The following AFF3 variants were observed in gnomAD, a reference collection of about 807,000 sequenced individuals.
AFF3 encodes AF4/FMR2 family member 3.
In AFF3, 32 loss-of-function variants were observed where a neutral mutation model predicts 129.7. The ratio of observed to expected loss-of-function variants is 0.25; its 90% CI spans 0.19 to 0.33. The LOEUF is 0.33. Ranked by LOEUF, AFF3 falls within the 10% of genes least tolerant of loss-of-function variation. AFF3 has a pLI of 1.00. For synonymous variants in AFF3, 644 were observed against 635.4 expected (o/e 1.01, Z -0.20); for missense variants, 1,373 against 1,592.0 (o/e 0.86, Z 2.34).
rs888987337 is a variant in AFF3 at position 100,042,375 on chromosome 2, G to GT, written c.54-33444dup. Among the ~76,000 whole-genome samples the GT allele has an allele frequency of 2.5e-4, 38 of 151,958 alleles. 1 individual carries two copies. In the East Asian group the frequency reaches 6.4e-3, roughly 26 times the overall value. On this transcript the variant is annotated intron_variant, in intron 4 of 24. Transcript: ENST00000672756. ...AGTATATTCCAATCTGAAATATATTGTTTTTTTTCTGATTATCCGGACCAC... is the reference window on the plus strand; with the variant it reads ...AGTATATTCCAATCTGAAATATATTGTTTTTTTTTCTGATTATCCGGACCAC...
chr2:99,597,254 C>T (rs1679381608), intron 14 of AFF3, among the ~76,000 whole-genome samples: 1 of 152,194 alleles, frequency 6.6e-6, no homozygotes, highest in African/African-American at 2.4e-5. Context: ...GGACCGCATT[C>T]CTTTGAGAAA....
chr2:100,016,737 T>G (rs1471352625), intron 4 of AFF3, among the ~76,000 whole-genome samples: 3 of 139,308 alleles, frequency 2.2e-5, no homozygotes, highest in Non-Finnish European at 4.7e-5. Context: ...GGTGATAGTA[T>G]TGGTGGTGAA....
chr2:99,806,708 C>G (rs1686380981), intron 8 of AFF3, among the ~76,000 whole-genome samples: 2 of 152,186 alleles, frequency 1.3e-5, no homozygotes. Context: ...CCCCCACCCT[C>G]ATTCAAGATA....
At position 99,866,088 on chromosome 2, in the gene AFF3, TA is replaced by T. The variant is rs968725803; in HGVS notation, c.874-28565del. 6.3e-4 allele frequency among the ~76,000 whole-genome samples: 96 copies of T among 152,122 alleles called. 2 individuals carry two copies. Among genetic ancestry groups the T allele is most frequent in the African/African-American group, 2.2e-3 (91 of 41,482 alleles). On this transcript the variant is annotated intron_variant, in intron 7 of 24. Coordinates refer to ENST00000672756, the MANE Select transcript of AFF3 (RefSeq NM_001386135.1). ...ATTCACACATGGTTGCTGAAGAGAG[TA>T]AGGCAAAAGTTGAAATTTCAGTCTT...
intron 18 of AFF3, chr2:99,572,612 C>G (rs1676606217): frequency 2.2e-6 from 1 of 455,654 alleles, no homozygotes; most frequent in African/African-American, 2.0e-5. Context: ...AAGTTGAAAT[C>G]CAAATCAGAC....
chr2:99,682,562 T>G (rs890818607), intron 11 of AFF3, among the ~76,000 whole-genome samples: 1 of 152,130 alleles, frequency 6.6e-6, no homozygotes, highest in East Asian at 1.9e-4. Context: ...AACAGAAAAT[T>G]TTATGAATGC....
At chr2:99,809,753 C>T (rs958878918) in intron 8 of AFF3, among the ~76,000 whole-genome samples, 4 of 152,170 alleles carry the variant, frequency 2.6e-5, no homozygotes, top group Non-Finnish European at 5.9e-5. Context: ...CATCCCACTG[C>T]GCTGTATTTA....
intron 4 of AFF3, among the ~76,000 whole-genome samples, chr2:100,025,963 A>G (rs1559068392): frequency 6.6e-6 from 1 of 152,206 alleles, no homozygotes; most frequent in African/African-American, 2.4e-5. Flanking sequence ...ACAACATTGG[A>G]AAAACCCTTC....
chr2:99,772,824 C>G (rs916392570), intron 8 of AFF3, among the ~76,000 whole-genome samples: 1 of 152,162 alleles, frequency 6.6e-6, no homozygotes, highest in South Asian at 2.1e-4. Flanking sequence ...AGGGAAAGGC[C>G]GTCAATCCTG....
intron 7 of AFF3, among the ~76,000 whole-genome samples, chr2:99,865,993 T>C (rs898185526): frequency 3.9e-5 from 6 of 152,192 alleles, no homozygotes; most frequent in African/African-American, 7.2e-5. Flanking sequence ...GGCAGCCCGA[T>C]TGGCAGTTAA....
intron 13 of AFF3, among the ~76,000 whole-genome samples, chr2:99,604,233 C>T (rs140794709): frequency 7.0e-4 from 106 of 152,052 alleles, no homozygotes; most frequent in African/African-American, 2.1e-3. Context: ...AAATGCCCAT[C>T]GATGACAGAC....
chr2:100,078,171 A>G (rs1429739845), intron 4 of AFF3, among the ~76,000 whole-genome samples: 1 of 152,256 alleles, frequency 6.6e-6, no homozygotes, highest in Non-Finnish European at 1.5e-5. Context: ...GCTTCAGTTC[A>G]TATGACAACA....
intron 4 of AFF3, among the ~76,000 whole-genome samples, chr2:100,055,305 C>T (rs886823558): frequency 6.6e-5 from 10 of 152,048 alleles, no homozygotes; most frequent in Non-Finnish European, 1.3e-4. Context: ...CCACCTCTCC[C>T]TCTGTGTCAT....
chr2:99,926,329 C>T (rs956279979), intron 7 of AFF3, among the ~76,000 whole-genome samples: 8 of 152,164 alleles, frequency 5.3e-5, no homozygotes, highest in Non-Finnish European at 8.8e-5. Context: ...CATGCACACC[C>T]GAGTACACTG....
intron 11 of AFF3, among the ~76,000 whole-genome samples, chr2:99,691,340 T>C (rs1465753218): frequency 6.6e-6 from 1 of 152,216 alleles, no homozygotes; most frequent in African/African-American, 2.4e-5. Context: ...AAATGCATGT[T>C]GCTCCTGAAC....
chr2:99,607,137 C>T (rs1680443486), intron 13 of AFF3, among the ~76,000 whole-genome samples: 1 of 152,122 alleles, frequency 6.6e-6, no homozygotes, highest in Non-Finnish European at 1.5e-5. Flanking sequence ...AGGGGTCCAG[C>T]TTTCTCTAAA....
At chr2:99,554,276 G>T (rs747713157) in intron 24 of AFF3, 35 bp downstream of exon 24, 2 of 1,609,346 alleles carry the variant, frequency 1.2e-6, no homozygotes, top group African/African-American at 2.7e-5. Context: ...CCCGGGAGGC[G>T]GAAGCCCCTG....
intron 7 of AFF3, among the ~76,000 whole-genome samples, chr2:99,914,208 A>T (rs1287770906): frequency 6.6e-6 from 1 of 152,226 alleles, no homozygotes; most frequent in East Asian, 1.9e-4. Flanking sequence ...CATGATGTGC[A>T]ACGAACTGAG....
chr2:100,051,676 C>G (rs1480812997), intron 4 of AFF3, among the ~76,000 whole-genome samples: 1 of 152,174 alleles, frequency 6.6e-6, no homozygotes, highest in Non-Finnish European at 1.5e-5. Flanking sequence ...TCTACATGGA[C>G]AGATGACTTG....
Sources: gnomAD v4.1 joint callset for allele counts (sites outside exome capture counted in the v4.1 genomes callset) on GRCh38, gnomAD v4.1.1 for gene constraint, MANE v1.5 for transcripts, NCBI Gene and HGNC (gene_info 2026-07-23, HGNC 2026-07-21) for gene names.